The following RBFOX1 variants were observed in gnomAD, a reference collection of about 807,000 sequenced individuals.
RBFOX1 encodes the protein RNA binding fox-1 homolog 1, also known as RNA binding protein fox-1 homolog 1.
Under a neutral mutation model 57.7 loss-of-function variants are expected in RBFOX1, and 8 were observed. That is an observed-to-expected ratio of 0.14 (90% CI 0.08 to 0.25). RBFOX1 has a LOEUF of 0.25. Among genes scored for constraint, RBFOX1 ranks in the 10% least tolerant of loss-of-function variants. RBFOX1 has a pLI of 1.00. For synonymous variants in RBFOX1, 326 were observed against 222.4 expected, an observed-to-expected ratio of 1.47 and a Z score of -4.15; for missense variants, 611 against 548.5, an observed-to-expected ratio of 1.11 and a Z score of -1.14.
intron 2 of RBFOX1, among the ~76,000 whole-genome samples, chr16:6,346,532 C>T (rs889652336): frequency 5.9e-5 from 9 of 152,286 alleles, no homozygotes; most frequent in African/African-American, 2.2e-4. Context: ...AAGGTGCTTC[C>T]CTACCTCACT....
intron 2 of RBFOX1, among the ~76,000 whole-genome samples, chr16:6,520,009 C>T (rs977184946): frequency 6.6e-6 from 1 of 152,112 alleles, no homozygotes; most frequent in African/African-American, 2.4e-5. Flanking sequence ...CTGGGAGAGA[C>T]ACAAAAACAT....
chr16:5,265,047 T>A (rs983483854), intron 1 of RBFOX1, among the ~76,000 whole-genome samples: 1 of 152,128 alleles, frequency 6.6e-6, no homozygotes, highest in Non-Finnish European at 1.5e-5. Context: ...AAAAAGTTCC[T>A]TCTTACCAAA....
At chr16:7,424,148 C>T (rs531301439) in intron 4 of RBFOX1, among the ~76,000 whole-genome samples, 3 of 152,010 alleles carry the variant, frequency 2.0e-5, no homozygotes, top group Admixed American at 6.6e-5. Flanking sequence ...AAGAGCCATG[C>T]AATGATAAAG....
At chr16:6,393,461 G>T (rs1249480998) in intron 2 of RBFOX1, among the ~76,000 whole-genome samples, 1 of 152,174 alleles carries the variant, frequency 6.6e-6, no homozygotes, top group East Asian at 1.9e-4. Context: ...CCTATAAAAA[G>T]GGACCGCTTT....
chr16:5,345,186 G>A (rs116078488), intron 1 of RBFOX1, among the ~76,000 whole-genome samples: 1 of 152,138 alleles, frequency 6.6e-6, no homozygotes, highest in African/African-American at 2.4e-5. Flanking sequence ...CTCTGTTCTG[G>A]GTGGAAGCCA....
intron 1 of RBFOX1, among the ~76,000 whole-genome samples, chr16:6,067,123 G>C (rs1596930704): frequency 6.6e-6 from 1 of 152,180 alleles, no homozygotes; most frequent in East Asian, 1.9e-4. Flanking sequence ...AAGATTGAGT[G>C]TGTCATAAAT....
chr16:6,041,073 C>T (rs922627726), intron 1 of RBFOX1, among the ~76,000 whole-genome samples: 2 of 152,090 alleles, frequency 1.3e-5, no homozygotes, highest in Non-Finnish European at 1.5e-5. Flanking sequence ...AGAATAGTTT[C>T]CCTGCTGTAA....
intron 3 of RBFOX1, among the ~76,000 whole-genome samples, chr16:5,739,266 G>C (rs763003623): frequency 3.3e-5 from 5 of 152,212 alleles, no homozygotes; most frequent in Non-Finnish European, 5.9e-5. Flanking sequence ...TGGATATTAA[G>C]GCTAGTCCCA....
At chr16:7,691,335 AAAAAT>A (rs1210316152) in intron 14 of RBFOX1, among the ~76,000 whole-genome samples, 1 of 151,806 alleles carries the variant, frequency 6.6e-6, no homozygotes, top group African/African-American at 2.4e-5. Context: ...ACCAGGGGTA[AAAAAT>A]AAAATAAAAA....
intron 1 of RBFOX1, among the ~76,000 whole-genome samples, chr16:5,295,762 C>G (rs1651336207): frequency 6.6e-6 from 1 of 152,172 alleles, no homozygotes; most frequent in African/African-American, 2.4e-5. Context: ...GCCATATTCT[C>G]TTGGTTATAA....
chr16:7,446,266 A>C (rs2098806934), intron 4 of RBFOX1, among the ~76,000 whole-genome samples: 1 of 152,184 alleles, frequency 6.6e-6, no homozygotes. Flanking sequence ...AGGATATTTT[A>C]GTTCCTTCTA....
chr16:7,697,345 G>A (rs917558296), intron 14 of RBFOX1, among the ~76,000 whole-genome samples: 1 of 152,036 alleles, frequency 6.6e-6, no homozygotes, highest in African/African-American at 2.4e-5. Flanking sequence ...TTGTTCTAAG[G>A]GTCTATCAGT....
At chr16:6,358,386 T>C (rs2087777502) in intron 2 of RBFOX1, among the ~76,000 whole-genome samples, 2 of 152,184 alleles carry the variant, frequency 1.3e-5, no homozygotes, top group South Asian at 4.1e-4. Context: ...TGGAGAGCCA[T>C]TGTCAGGCCT....
At chr16:7,677,348 G>A (rs1172318027) in intron 14 of RBFOX1, among the ~76,000 whole-genome samples, 2 of 152,154 alleles carry the variant, frequency 1.3e-5, no homozygotes, top group African/African-American at 4.8e-5. Flanking sequence ...GAGGGAGAGT[G>A]TCCCTGGCAT....
chr16:5,521,909 G>A (rs947032978), intron 2 of RBFOX1, among the ~76,000 whole-genome samples: 1 of 152,210 alleles, frequency 6.6e-6, no homozygotes, highest in Non-Finnish European at 1.5e-5. Context: ...TGAGATGGAT[G>A]GATGGAGATG....
chr16:7,109,154 T>C (rs553648319), intron 4 of RBFOX1, among the ~76,000 whole-genome samples: 2 of 152,276 alleles, frequency 1.3e-5, no homozygotes, highest in East Asian at 3.9e-4. Flanking sequence ...TGTACTGGAT[T>C]TTCAGTTTTG....
rs537795509 is a variant in RBFOX1 at position 5,340,556 on chromosome 16, A to C, written c.219+100451A>C. On this transcript the variant is annotated intron_variant, in intron 1 of 2. Coordinates refer to the RBFOX1 transcript ENST00000585867. Reference sequence around the variant, plus strand: ...TTGGTAACAGTTAAAGAACACATTCATGGAGCATTTAGTTTTTGGATGGAA... The same window carrying C: ...TTGGTAACAGTTAAAGAACACATTCCTGGAGCATTTAGTTTTTGGATGGAA... Among the ~76,000 whole-genome samples the C allele has an allele frequency of 3.9e-5, 6 of 152,322 alleles. No individual in the cohort carries two copies. The South Asian group carries it at 8.3e-4, about 21-fold the overall frequency.
At chr16:7,213,537 T>G (rs972227931) in intron 4 of RBFOX1, among the ~76,000 whole-genome samples, 1 of 145,642 alleles carries the variant, frequency 6.9e-6, no homozygotes, top group Non-Finnish European at 1.5e-5. Flanking sequence ...TTCCTAATTC[T>G]CAAAGGGATC....
At chr16:6,157,094 C>G (rs1307141265) in intron 1 of RBFOX1, among the ~76,000 whole-genome samples, 2 of 151,982 alleles carry the variant, frequency 1.3e-5, no homozygotes. Context: ...CATGGCCTCC[C>G]AAAGCGCTGG....
Sources: gnomAD v4.1 joint callset for allele counts (sites outside exome capture counted in the v4.1 genomes callset) on GRCh38, gnomAD v4.1.1 for gene constraint, MANE v1.5 for transcripts, NCBI Gene and HGNC (gene_info 2026-07-23, HGNC 2026-07-21) for gene names.